The following LMNB1 variants were observed in gnomAD, a reference collection of about 807,000 sequenced individuals.
The protein encoded by LMNB1 is lamin-B1.
Under a neutral mutation model 67.1 loss-of-function variants are expected in LMNB1, and 23 were observed. The observed-to-expected ratio is 0.34, with a 90% CI of 0.25 to 0.49. The LOEUF (loss-of-function observed/expected upper bound fraction) is 0.49. LMNB1 is among the 20% of genes least tolerant of loss of function. The pLI is 0.99. For synonymous variants in LMNB1, 281 were observed against 282.9 expected (o/e 0.99, Z 0.07); for missense variants, 634 against 746.5 (o/e 0.85, Z 1.76).
At chr5:126,805,729 T>C in intron 3 of LMNB1, 33 bp downstream of exon 3, 1 of 1,525,246 alleles carries the variant, frequency 6.6e-7, no homozygotes, top group Non-Finnish European at 8.9e-7. Context: ...TGTAAAGGAA[T>C]GGAGGGGTTC....
intron 1 of LMNB1, among the ~76,000 whole-genome samples, chr5:126,781,698 G>A (rs1357044160): frequency 5.3e-5 from 8 of 152,026 alleles, no homozygotes; most frequent in Admixed American, 1.3e-4. Context: ...GGCCTCCCAA[G>A]GTGCTGGGAT....
At chr5:126,787,534 ATATATATATATATTTT>A (rs1750830344) in intron 1 of LMNB1, among the ~76,000 whole-genome samples, 1 of 88,732 alleles carries the variant, frequency 1.1e-5, no homozygotes, top group East Asian at 2.6e-4. Context: ...GTATATATAT[ATATATATATATATTTT>A]TTTTTTTTTT....
chr5:126,801,482 A>G (rs983522259), intron 1 of LMNB1, among the ~76,000 whole-genome samples: 1 of 152,158 alleles, frequency 6.6e-6, no homozygotes, highest in African/African-American at 2.4e-5. Flanking sequence ...AGAAATCACC[A>G]TATTCTAGTC....
chr5:126,792,308 A>T (rs1015294523), intron 1 of LMNB1, among the ~76,000 whole-genome samples: 3 of 151,422 alleles, frequency 2.0e-5, no homozygotes, highest in African/African-American at 7.3e-5. Flanking sequence ...ACGCCTGGCT[A>T]ACTTTTGTAT....
At chr5:126,787,524 GTATA>G (rs1179342923) in intron 1 of LMNB1, among the ~76,000 whole-genome samples, 13 of 87,674 alleles carry the variant, frequency 1.5e-4, no homozygotes, top group African/African-American at 3.2e-4. Context: ...GTGTGTGGGG[GTATA>G]TATATATATA....
chr5:126,802,531 C>T lies in LMNB1; in HGVS notation c.360-2245C>T, dbSNP rs138584014. 6.9e-3 allele frequency among the ~76,000 whole-genome samples: 1,043 copies of T among 152,226 alleles called. 14 individuals are homozygous for T. Among genetic ancestry groups the T allele is most frequent in the African/African-American group, 0.023 (962 of 41,528 alleles). On this transcript the variant is annotated intron_variant, in intron 1 of 10. Transcript: ENST00000261366. ...TGATCTCGGCTCACTGCAACCTCTA[C>T]CTCCCGGGTTCAGGCAATTCTCCTG...
chr5:126,784,461 A>T (rs1427145577), intron 1 of LMNB1, among the ~76,000 whole-genome samples: 1 of 136,256 alleles, frequency 7.3e-6, no homozygotes, highest in Non-Finnish European at 1.6e-5. Flanking sequence ...GGTTTAAGCA[A>T]TTCTCTGCCT....
rs1247062595 is a variant in LMNB1, at chr5:126,826,017, C to T, written c.1521C>T (p.Ala507=). 2 of 1,613,956 alleles carry T rather than the reference C, an allele frequency of 1.2e-6. No homozygotes were observed. Among genetic ancestry groups the T allele is most frequent in the Admixed American group, 3.3e-5 (2 of 60,008 alleles). ...TIWAANAGVT[A]SPPTDLIWKN... is the part of the protein sequence containing the mutation. ...GGGCTGCAAACGCTGGTGTCACAGC[C>T]AGCCCCCCAACTGACCTCATCTGGA... The change falls in exon 9 of 11, where the codon GCC becomes GCT. Residue 507 remains alanine (A), a synonymous_variant. Transcript: ENST00000261366.
intron 1 of LMNB1, among the ~76,000 whole-genome samples, chr5:126,790,179 C>T (rs991664581): frequency 6.6e-6 from 1 of 152,148 alleles, no homozygotes; most frequent in African/African-American, 2.4e-5. Context: ...GATCTCTGCT[C>T]AGTATAACCT....
chr5:126,833,514 T>C (rs576033763), intron 10 of LMNB1, among the ~76,000 whole-genome samples: 2 of 152,336 alleles, frequency 1.3e-5, no homozygotes, highest in African/African-American at 2.4e-5. Context: ...AAACACTGTC[T>C]CATATATTTA....
At chr5:126,798,299 A>T (rs537014041) in intron 1 of LMNB1, among the ~76,000 whole-genome samples, 70 of 151,908 alleles carry the variant, frequency 4.6e-4, no homozygotes, top group Non-Finnish European at 8.1e-4. Context: ...AATACAAAAA[A>T]ATTAGCTGGG....
chr5:126,812,006 A>AG, intron 5 of LMNB1, 108 bp downstream of exon 5: 3 of 1,115,774 alleles, frequency 2.7e-6, no homozygotes, highest in Non-Finnish European at 2.6e-6. Flanking sequence ...TTTGTTACAG[A>AG]GGATGGTGTC....
chr5:126,787,546 A>ATATATATATATATTT, intron 1 of LMNB1, among the ~76,000 whole-genome samples: 29 of 65,556 alleles, frequency 4.4e-4, no homozygotes, highest in African/African-American at 1.8e-3. Flanking sequence ...ATATATATAT[A>ATATATATATATATTT]TTTTTTTTTT....
intron 4 of LMNB1, 24 bp from the exon 5 acceptor site, chr5:126,811,749 A>T: frequency 6.3e-7 from 1 of 1,594,252 alleles, no homozygotes; most frequent in Non-Finnish European, 8.6e-7. Context: ...GATAAGACTG[A>T]CTATGCTTTG....
intron 8 of LMNB1, 41 bp from the exon 9 acceptor site, chr5:126,825,947 A>T: frequency 6.2e-7 from 1 of 1,612,172 alleles, no homozygotes; most frequent in Non-Finnish European, 8.5e-7. Flanking sequence ...GTGTGGGAGA[A>T]CTGGGTTCTG....
At position 126,804,369 on chromosome 5, in the gene LMNB1, C is replaced by T. The variant is rs139973123; in HGVS notation, c.360-407C>T. Among the ~76,000 whole-genome samples, 68 of 150,970 alleles carry T rather than the reference C, an allele frequency of 4.5e-4. No homozygotes were observed. The East Asian group carries it at 0.012, about 27-fold the overall frequency. ...ATGTGATTACAGACGTAAGCCACTG[C>T]GCTCAGCATGATATCCTGACTTACA... On this transcript the variant is annotated intron_variant, in intron 1 of 10. Coordinates refer to ENST00000261366, the MANE Select transcript of LMNB1 (RefSeq NM_005573.4).
At chr5:126,796,322 A>T (rs770410661) in intron 1 of LMNB1, among the ~76,000 whole-genome samples, 15 of 152,022 alleles carry the variant, frequency 9.9e-5, no homozygotes, top group Non-Finnish European at 2.2e-4. Context: ...ACTAGTCTGG[A>T]GTAGGGTACA....
chr5:126,811,987 C>G lies in LMNB1; in HGVS notation c.939+89C>G. 2 of 1,298,812 alleles carry G rather than the reference C, an allele frequency of 1.5e-6. 1 individual carries two copies. 80.5% of individuals were successfully genotyped at this position (1,298,812 alleles called of 1,614,324 possible). On this transcript the variant is annotated intron_variant, in intron 5 of 10. Transcript: ENST00000261366. Reference sequence around the variant, plus strand: ...TGCTTTGCTTGGGCTGATGTCACTCCTCCCTCTGTTTGTTACAGAGGATGG... The same window carrying G: ...TGCTTTGCTTGGGCTGATGTCACTCGTCCCTCTGTTTGTTACAGAGGATGG...
chr5:126,800,039 A>G (rs1388893315), intron 1 of LMNB1, among the ~76,000 whole-genome samples: 1 of 152,190 alleles, frequency 6.6e-6, no homozygotes, highest in Non-Finnish European at 1.5e-5. Context: ...CCTCTGTAAC[A>G]GAGGCTGAGT....
Sources: allele counts gnomAD v4.1 joint callset (sites outside exome capture counted in the v4.1 genomes callset), GRCh38; gene constraint gnomAD v4.1.1; transcripts MANE v1.5; gene names NCBI Gene and HGNC (gene_info 2026-07-23, HGNC 2026-07-21).